The following KDM3A variants were observed in gnomAD, a reference collection of about 807,000 sequenced individuals.
KDM3A encodes lysine demethylase 3A.
KDM3A carries 60 observed loss-of-function variants against 158.0 expected under a neutral mutation model. The ratio of observed to expected loss-of-function variants is 0.38; its 90% CI spans 0.31 to 0.47. KDM3A has a LOEUF of 0.47. Ranked by LOEUF, KDM3A falls within the 20% of genes least tolerant of loss-of-function variation. The pLI is 0.99. For synonymous variants in KDM3A, 608 were observed against 549.3 expected, an observed-to-expected ratio of 1.11 and a Z score of -1.49; for missense variants, 1,319 against 1,574.3, an observed-to-expected ratio of 0.84 and a Z score of 2.74.
chr2:86,449,769 G>A (rs747307099), intron 2 of KDM3A, 38 bp from the exon 3 acceptor site: 2 of 1,565,872 alleles, frequency 1.3e-6, no homozygotes, highest in Admixed American at 4.0e-5. Context: ...TTAATAAATT[G>A]AATCTGCTTC....
At chr2:86,486,391 G>A (rs1381131370) in intron 21 of KDM3A, among the ~76,000 whole-genome samples, 9 of 152,126 alleles carry the variant, frequency 5.9e-5, no homozygotes, top group Non-Finnish European at 8.8e-5. Flanking sequence ...ATAAAGATTG[G>A]TTTCTCCATT....
intron 10 of KDM3A, among the ~76,000 whole-genome samples, chr2:86,467,708 G>A (rs1413210616): frequency 6.6e-6 from 1 of 152,166 alleles, no homozygotes; most frequent in Non-Finnish European, 1.5e-5. Context: ...TAGCTATGTG[G>A]GAAATTGATA....
rs567837123 is a variant in KDM3A at position 86,443,691 on chromosome 2, C to T, written c.186+1458C>T. On this transcript the variant is annotated intron_variant, in intron 2 of 25. Coordinates refer to ENST00000312912, the MANE Select transcript of KDM3A (RefSeq NM_018433.6). Reference sequence around the variant, plus strand: ...AGAAGCTGCCCTCTTAACCATCAGGCCAGTGATCAAGAGCTATGCCACAGC... The same window carrying T: ...AGAAGCTGCCCTCTTAACCATCAGGTCAGTGATCAAGAGCTATGCCACAGC... Among the ~76,000 whole-genome samples the T allele has an allele frequency of 9.2e-5, 14 of 152,298 alleles. No individual in the cohort carries two copies. The South Asian group carries it at 2.5e-3, about 27-fold the overall frequency.
chr2:86,492,471 T>TA lies in KDM3A; in HGVS notation c.*353dup, dbSNP rs1325907372. On this transcript the variant is annotated 3_prime_UTR_variant, in exon 26 of 26. Coordinates refer to ENST00000312912, the MANE Select transcript of KDM3A (RefSeq NM_018433.6). ...AACTATTAGGAATCACTGCACAGTT[T>TA]ATTTGGGTTGTGTTTTGTGTCTGAG... 1.0e-5 allele frequency: 2 copies of TA among 190,844 alleles called. No homozygotes were observed. The highest frequency in any genetic ancestry group is 5.7e-5 in the Admixed American group (1 of 17,428). The allele number at this position is 190,844 out of a possible 1,614,324, so 11.8% of individuals were successfully genotyped here.
intron 11 of KDM3A, among the ~76,000 whole-genome samples, chr2:86,471,301 GTATGTGTA>G (rs1673393057): frequency 6.8e-6 from 1 of 146,508 alleles, no homozygotes; most frequent in Non-Finnish European, 1.5e-5. Flanking sequence ...ATATATGTGT[GTATGTGTA>G]TATATGTGTA....
chr2:86,442,789 G>A (rs1264668171), intron 2 of KDM3A, among the ~76,000 whole-genome samples: 1 of 152,114 alleles, frequency 6.6e-6, no homozygotes, highest in Admixed American at 6.5e-5. Flanking sequence ...GTTCCTGGTT[G>A]TCTGTGATGA....
At chr2:86,473,247 A>G (rs1358902473) in intron 11 of KDM3A, among the ~76,000 whole-genome samples, 1 of 152,106 alleles carries the variant, frequency 6.6e-6, no homozygotes, top group Non-Finnish European at 1.5e-5. Flanking sequence ...TGTAACCTCA[A>G]ACTCCTGTGC....
Position 86,478,252 on chromosome 2 carries a change from C to A in KDM3A, c.2175C>A (p.Ile725=), listed in dbSNP as rs1396262214. ...CAGAGAACTTAATGCCCACACAGAT[C>A]ATTCCTGGAAAAGGTATTTCATGTG... ...HEPENLMPTQ[I]IPGKALYDVG... Residue 725 remains isoleucine (I), a synonymous_variant, in exon 14 of 26, where the codon ATC becomes ATA. Transcript: ENST00000312912. The A allele has an allele frequency of 1.2e-6, 2 of 1,609,880 alleles. No homozygotes were observed. The highest frequency in any genetic ancestry group is 2.2e-5 in the South Asian group (2 of 90,980).
intron 2 of KDM3A, chr2:86,443,621 A>G (rs1255701826): frequency 6.6e-6 from 1 of 152,204 alleles, no homozygotes; most frequent in Non-Finnish European, 1.5e-5. Flanking sequence ...CATACGTAGG[A>G]ATTGACATAG....
At chr2:86,441,962 G>A in intron 1 of KDM3A, 56 bp from the exon 2 acceptor site, 2 of 1,012,240 alleles carry the variant, frequency 2.0e-6, no homozygotes, top group Non-Finnish European at 1.4e-6. Flanking sequence ...TGCTGTCTCC[G>A]CCCGGCCCCC....
Position 86,489,691 on chromosome 2 carries a change from C to T in KDM3A, c.3573+32C>T, listed in dbSNP as rs112977868. ...TGCTTATGGCATGTGTGAACAGAGG[C>T]ATAAGGAATAGCAATATTATGTTAC... On this transcript the variant is annotated intron_variant, in intron 23 of 25. Coordinates refer to ENST00000312912, the MANE Select transcript of KDM3A (RefSeq NM_018433.6). 893 of 1,584,864 alleles carry T rather than the reference C, an allele frequency of 5.6e-4. 8 individuals carry two copies. In the African/African-American group the frequency reaches 0.011, roughly 19 times the overall value.
At chr2:86,480,524 AGAG>A (rs1431344827) in intron 16 of KDM3A, among the ~76,000 whole-genome samples, 162 bp downstream of exon 16, 5 of 152,222 alleles carry the variant, frequency 3.3e-5, no homozygotes, top group African/African-American at 1.2e-4. Context: ...GCAGCACCAA[AGAG>A]GAGAAATTTT....
intron 8 of KDM3A, among the ~76,000 whole-genome samples, chr2:86,461,273 AT>A (rs1672918438): frequency 6.6e-6 from 1 of 151,916 alleles, no homozygotes; most frequent in Non-Finnish European, 1.5e-5. Context: ...AAAATAGCAG[AT>A]TTCTCCTTTC....
chr2:86,463,769 C>T (rs898429267), intron 8 of KDM3A, among the ~76,000 whole-genome samples: 1 of 152,184 alleles, frequency 6.6e-6, no homozygotes, highest in African/African-American at 2.4e-5. Flanking sequence ...AAAGTAATTG[C>T]CACCTGACTG....
chr2:86,484,283 C>A, intron 19 of KDM3A, 125 bp downstream of exon 19: 2 of 730,908 alleles, frequency 2.7e-6, no homozygotes, highest in Non-Finnish European at 4.5e-6. Context: ...TTAAAATTAA[C>A]GTCTCTCCTC....
At chr2:86,483,849 G>A (rs1358374807) in intron 18 of KDM3A, 138 bp from the exon 19 acceptor site, 23 of 678,074 alleles carry the variant, frequency 3.4e-5, no homozygotes, top group East Asian at 2.6e-4. Flanking sequence ...GAACTAAGCC[G>A]AAACTGTCAC....
rs1249123329 is a variant in KDM3A, at chr2:86,453,462, T to C, written c.454-1623T>C. Reference sequence around the variant, plus strand: ...GGGATTGAAAGTTAGGGTCCGTCTTTAGATTGAATTTTACTCAGTTATCTG... The same window carrying C: ...GGGATTGAAAGTTAGGGTCCGTCTTCAGATTGAATTTTACTCAGTTATCTG... On this transcript the variant is annotated intron_variant, in intron 4 of 25. Transcript: ENST00000312912. 3.3e-5 allele frequency among the ~76,000 whole-genome samples: 5 copies of C among 152,282 alleles called. No individual in the cohort carries two copies. The South Asian group carries it at 8.3e-4, about 25-fold the overall frequency.
intron 18 of KDM3A, chr2:86,483,734 A>AC (rs543353227): frequency 4.3e-5 from 13 of 301,406 alleles, no homozygotes; most frequent in Non-Finnish European, 7.4e-5. Context: ...ATGAGATCTT[A>AC]CTAGGAGAGG....
intron 21 of KDM3A, among the ~76,000 whole-genome samples, chr2:86,486,635 T>C (rs1674190939): frequency 2.0e-5 from 3 of 152,234 alleles, no homozygotes; most frequent in South Asian, 2.1e-4. Flanking sequence ...ATTACTTCCA[T>C]GTCATTTTCC....
Sources: gnomAD v4.1 joint callset for allele counts (sites outside exome capture counted in the v4.1 genomes callset) on GRCh38, gnomAD v4.1.1 for gene constraint, MANE v1.5 for transcripts, NCBI Gene and HGNC (gene_info 2026-07-23, HGNC 2026-07-21) for gene names.